Variants in HPSE2 observed in about 807,000 individuals in gnomAD.
The protein encoded by HPSE2 is inactive heparanase-2.
Under a neutral mutation model 60.5 loss-of-function variants are expected in HPSE2, and 38 were observed. That is an observed-to-expected ratio of 0.63 (90% CI 0.48 to 0.82). HPSE2 has a LOEUF of 0.82. Ranked by LOEUF, HPSE2 falls within the 40% of genes least tolerant of loss-of-function variation. HPSE2 has a pLI of 0.00. For synonymous variants in HPSE2, 295 were observed against 293.2 expected, an observed-to-expected ratio of 1.01 and a Z score of -0.06; for missense variants, 713 against 740.4, an observed-to-expected ratio of 0.96 and a Z score of 0.43.
chr10:99,153,971 C>G (rs1007535835), intron 2 of HPSE2, among the ~76,000 whole-genome samples: 11 of 152,114 alleles, frequency 7.2e-5, no homozygotes, highest in Admixed American at 7.2e-4. Context: ...GCCTCAGGAG[C>G]TGATGCGATC....
At chr10:98,843,508 A>T (rs892593202) in intron 3 of HPSE2, among the ~76,000 whole-genome samples, 1 of 152,234 alleles carries the variant, frequency 6.6e-6, no homozygotes, top group South Asian at 2.1e-4. Flanking sequence ...TTGGGCACTT[A>T]TGTTTGAAAA....
At chr10:99,315,452 G>A in the HPSE2 span, among the ~76,000 whole-genome samples, 856 of 152,200 alleles carry the variant, frequency 5.6e-3, 4 homozygotes, top group African/African-American at 0.019. Context: ...CTAGGGTTAA[G>A]AACTCCTAGT....
chr10:99,040,699 T>C (rs1275803396), intron 3 of HPSE2, among the ~76,000 whole-genome samples: 3 of 152,204 alleles, frequency 2.0e-5, no homozygotes, highest in Admixed American at 2.0e-4. Context: ...AACATCTCTA[T>C]AGTTACAAAA....
chr10:98,881,060 A>G (rs1460037231), intron 3 of HPSE2, among the ~76,000 whole-genome samples: 3 of 152,032 alleles, frequency 2.0e-5, no homozygotes, highest in Non-Finnish European at 2.9e-5. Context: ...TCAGGACCCA[A>G]TAATCCCTGC....
rs139130246 is a variant in HPSE2, at chr10:98,535,138, G to A, written c.1321-44942C>T. On this transcript the variant is annotated intron_variant, in intron 9 of 11. Transcript: ENST00000370552. ...CCTGCTTTCCTATCCGTGAATGTCC[G>A]TCTTCTCAAAGCAGATTTCTTAGCT... Among the ~76,000 whole-genome samples the A allele has an allele frequency of 2.6e-4, 40 of 152,182 alleles. No homozygotes were observed. The East Asian group carries it at 6.4e-3, about 24-fold the overall frequency.
intron 2 of HPSE2, among the ~76,000 whole-genome samples, chr10:99,217,984 ATAG>A (rs1849190706): frequency 6.6e-6 from 1 of 152,098 alleles, no homozygotes; most frequent in South Asian, 2.1e-4. Flanking sequence ...GGGACAATTA[ATAG>A]TAGCTGCCTC....
intron 3 of HPSE2, among the ~76,000 whole-genome samples, chr10:98,957,641 T>C (rs943433121): frequency 2.6e-5 from 4 of 152,176 alleles, no homozygotes; most frequent in Admixed American, 1.3e-4. Context: ...TCTGATTCCA[T>C]AGCTCTATTA....
At chr10:98,822,986 C>A (rs1465424304) in intron 3 of HPSE2, among the ~76,000 whole-genome samples, 1 of 152,108 alleles carries the variant, frequency 6.6e-6, no homozygotes, top group African/African-American at 2.4e-5. Flanking sequence ...AATTACAAGT[C>A]TTGTAAAAGA....
At chr10:98,741,357 T>A (rs1949492280) in intron 4 of HPSE2, among the ~76,000 whole-genome samples, 1 of 152,180 alleles carries the variant, frequency 6.6e-6, no homozygotes, top group Non-Finnish European at 1.5e-5. Context: ...AAGACAATGA[T>A]GGGAACCAAA....
intron 3 of HPSE2, among the ~76,000 whole-genome samples, chr10:98,948,137 T>C (rs1002784303): frequency 3.9e-5 from 6 of 152,292 alleles, no homozygotes; most frequent in East Asian, 1.9e-4. Flanking sequence ...GATTACAACA[T>C]TGAAGATGCC....
At chr10:99,295,395 T>C in the HPSE2 span, among the ~76,000 whole-genome samples, 1 of 152,184 alleles carries the variant, frequency 6.6e-6, no homozygotes, top group Admixed American at 6.5e-5. Flanking sequence ...AAATAACCAC[T>C]GATTTGGGTT....
chr10:99,070,942 G>C (rs1842769176), intron 3 of HPSE2, among the ~76,000 whole-genome samples: 1 of 152,018 alleles, frequency 6.6e-6, no homozygotes, highest in Non-Finnish European at 1.5e-5. Context: ...TTCCACATCT[G>C]TTGTTGTGAA....
At chr10:99,241,106 T>C in the HPSE2 span, among the ~76,000 whole-genome samples, 1 of 152,328 alleles carries the variant, frequency 6.6e-6, no homozygotes, top group African/African-American at 2.4e-5. Context: ...GACTTAGATA[T>C]TAACTTTCTC....
chr10:98,612,986 G>C (rs1410188844), intron 9 of HPSE2, among the ~76,000 whole-genome samples: 1 of 152,124 alleles, frequency 6.6e-6, no homozygotes, highest in Non-Finnish European at 1.5e-5. Context: ...TGCCAAGTTT[G>C]TTCCTGCCTC....
intron 3 of HPSE2, among the ~76,000 whole-genome samples, chr10:98,970,402 C>A (rs916899989): frequency 2.6e-4 from 39 of 152,152 alleles, no homozygotes; most frequent in African/African-American, 8.4e-4. Context: ...ACTTCCAACA[C>A]CAGAGACCAC....
At chr10:98,988,183 C>A (rs1326272488) in intron 3 of HPSE2, among the ~76,000 whole-genome samples, 2 of 152,214 alleles carry the variant, frequency 1.3e-5, no homozygotes, top group Non-Finnish European at 2.9e-5. Context: ...GTCCGCATCA[C>A]CAAGGCAATC....
At chr10:98,542,109 A>G (rs1449452787) in intron 9 of HPSE2, among the ~76,000 whole-genome samples, 1 of 151,868 alleles carries the variant, frequency 6.6e-6, no homozygotes, top group Non-Finnish European at 1.5e-5. Context: ...TCAAACGGCC[A>G]GGTACTCCTC....
chr10:98,951,125 A>G (rs1020885336), intron 3 of HPSE2, among the ~76,000 whole-genome samples: 1 of 152,198 alleles, frequency 6.6e-6, no homozygotes, highest in Non-Finnish European at 1.5e-5. Flanking sequence ...AAGATGAAAG[A>G]GCCATTTTAA....
chr10:98,839,199 T>G (rs922039406), intron 3 of HPSE2, among the ~76,000 whole-genome samples: 3 of 152,216 alleles, frequency 2.0e-5, no homozygotes, highest in African/African-American at 7.2e-5. Flanking sequence ...GGCTGAAAAT[T>G]TAAATGCATA....
Sources: allele counts gnomAD v4.1 joint callset (sites outside exome capture counted in the v4.1 genomes callset), GRCh38; gene constraint gnomAD v4.1.1; transcripts MANE v1.5; gene names NCBI Gene and HGNC (gene_info 2026-07-23, HGNC 2026-07-21).